The following AKAP13 variants were observed in gnomAD, a reference collection of about 807,000 sequenced individuals.
AKAP13 encodes A-kinase anchor protein 13.
Under a neutral mutation model 264.5 loss-of-function variants are expected in AKAP13, and 80 were observed. That is an observed-to-expected ratio of 0.30 (90% CI 0.25 to 0.36). The LOEUF is 0.36. Ranked by LOEUF, AKAP13 falls within the 10% of genes least tolerant of loss-of-function variation. The pLI is 1.00. For synonymous variants in AKAP13, 1,380 were observed against 1,250.2 expected (o/e 1.10, Z -2.19); for missense variants, 3,712 against 3,435.2 (o/e 1.08, Z -2.01).
chr15:85,639,418 A>C lies in AKAP13; in HGVS notation c.4206A>C (p.Ala1402=). 1 of 1,613,262 alleles carries C rather than the reference A, an allele frequency of 6.2e-7. No individual in the cohort carries two copies. The highest frequency in any genetic ancestry group is 1.1e-5 in the South Asian group (1 of 91,072). Residue 1402 remains alanine, a synonymous_variant, in exon 9 of 37, where the codon GCA becomes GCC. Transcript: ENST00000394518. ...GTACAATAGAGCCATGCCCTGATGC[A>C]GCATCTCTTCTGGCTTCCAAGCAGA... The part of the protein sequence containing the change: ...NWCTIEPCPD[A]ASLLASKQSP...
At chr15:85,582,158 A>C in intron 7 of AKAP13, 51 bp downstream of exon 7, 1 of 1,519,930 alleles carries the variant, frequency 6.6e-7, no homozygotes, top group South Asian at 1.3e-5. Context: ...GATTCCCTTA[A>C]GAGTCACTGT....
intron 1 of AKAP13, among the ~76,000 whole-genome samples, chr15:85,419,021 T>C (rs1596106564): frequency 6.6e-6 from 1 of 152,212 alleles, no homozygotes; most frequent in Non-Finnish European, 1.5e-5. Context: ...GATGCCACCC[T>C]TAAGGGTTTA....
In AKAP13 at chr15:85,423,799, T is replaced by G. The variant is rs944651422; in HGVS notation, c.-12+43001T>G. 3.3e-5 allele frequency among the ~76,000 whole-genome samples: 5 copies of G among 152,254 alleles called. No homozygotes were observed. The South Asian group carries it at 8.3e-4, about 25-fold the overall frequency. On this transcript the variant is annotated intron_variant, in intron 1 of 36. Coordinates refer to ENST00000394518, the MANE Select transcript of AKAP13 (RefSeq NM_007200.5). ...GGTCTAGGATTATGAAATTAGTTTC[T>G]TAAATCATAAGACTTGAAAGTCAAA...
rs1055650672 is a variant in AKAP13 at position 85,575,221 on chromosome 15, C to T, written c.753C>T (p.Asp251=). The change falls in exon 6 of 37, where the codon GAC becomes GAT. Residue 251 remains aspartate, a synonymous_variant. Transcript: ENST00000394518. ...CTGTGAGGCATCATCGAGAGTTGGA[C>T]ATCTATACATTAACCTCTGAGTCTG... ...DCSVRHHREL[D]IYTLTSESDS... The T allele has an allele frequency of 3.1e-6, 5 of 1,613,990 alleles. No homozygotes were observed. The African/African-American group carries it at 4.0e-5, about 13-fold the overall frequency.
intron 2 of AKAP13, among the ~76,000 whole-genome samples, chr15:85,488,029 C>T (rs11858817): frequency 0.51 from 77,626 of 152,120 alleles, 20,364 homozygotes; most frequent in Middle Eastern, 0.61. Flanking sequence ...TCCTGAGTAG[C>T]TGGAACCACA....
intron 5 of AKAP13, among the ~76,000 whole-genome samples, chr15:85,563,825 T>C (rs1456070477): frequency 6.6e-6 from 1 of 152,218 alleles, no homozygotes; most frequent in Non-Finnish European, 1.5e-5. Flanking sequence ...CACAACAACT[T>C]TCTTTGCTTT....
chr15:85,642,641 A>G (rs2082362104), intron 9 of AKAP13, among the ~76,000 whole-genome samples: 1 of 151,944 alleles, frequency 6.6e-6, no homozygotes, highest in Non-Finnish European at 1.5e-5. Context: ...TCCCTCCTCA[A>G]CAGTCAGCTT....
intron 17 of AKAP13, among the ~76,000 whole-genome samples, chr15:85,701,796 T>C (rs1015732776): frequency 2.3e-5 from 3 of 131,554 alleles, no homozygotes; most frequent in African/African-American, 8.8e-5. Context: ...ATAGTTTAAG[T>C]TGGGCTTGAC....
intron 3 of AKAP13, among the ~76,000 whole-genome samples, chr15:85,524,792 G>A (rs551646305): frequency 3.3e-5 from 5 of 151,354 alleles, no homozygotes; most frequent in Admixed American, 1.3e-4. Context: ...TTTTTTTTGC[G>A]TGTTTTGTAA....
At chr15:85,684,112 A>T (rs1042820858) in intron 15 of AKAP13, among the ~76,000 whole-genome samples, 1 of 152,186 alleles carries the variant, frequency 6.6e-6, no homozygotes, top group Non-Finnish European at 1.5e-5. Context: ...GTACCCTGTC[A>T]TTCTGCTACA....
chr15:85,612,449 A>G (rs2151392893), intron 8 of AKAP13, among the ~76,000 whole-genome samples: 1 of 152,302 alleles, frequency 6.6e-6, no homozygotes, highest in Non-Finnish European at 1.5e-5. Context: ...GCACTTGTAT[A>G]TATACCAACT....
At chr15:85,426,955 G>GTTTTTTTTTTTT (rs71468105) in intron 1 of AKAP13, among the ~76,000 whole-genome samples, 15 of 125,074 alleles carry the variant, frequency 1.2e-4, no homozygotes, top group Admixed American at 4.3e-4. Context: ...GTTTTGTTTT[G>GTTTTTTTTTTTT]TTTTTTTTTT....
chr15:85,444,167 A>G (rs531657809), intron 1 of AKAP13, among the ~76,000 whole-genome samples: 2 of 152,274 alleles, frequency 1.3e-5, no homozygotes, highest in Non-Finnish European at 2.9e-5. Flanking sequence ...TATTTTATTT[A>G]GTGATTTAGG....
chr15:85,457,781 C>T (rs566402416), intron 1 of AKAP13, among the ~76,000 whole-genome samples: 7 of 152,242 alleles, frequency 4.6e-5, no homozygotes, highest in East Asian at 3.9e-4. Context: ...CAGAGCTTCA[C>T]GAAGAGAGAT....
At chr15:85,675,799 C>T (rs915915232) in intron 14 of AKAP13, among the ~76,000 whole-genome samples, 4 of 152,146 alleles carry the variant, frequency 2.6e-5, no homozygotes, top group African/African-American at 4.8e-5. Flanking sequence ...GAATTTGGGC[C>T]TCTTGCCTGA....
At chr15:85,535,016 GA>G (rs1400316814) in intron 4 of AKAP13, 2 of 152,170 alleles carry the variant, frequency 1.3e-5, no homozygotes, top group African/African-American at 4.8e-5. Flanking sequence ...GCTCCTGCCA[GA>G]AGGGTCTGCT....
chr15:85,683,211 A>G (rs189412244), intron 15 of AKAP13, among the ~76,000 whole-genome samples: 8 of 152,242 alleles, frequency 5.3e-5, no homozygotes, highest in Middle Eastern at 3.4e-3. Context: ...AGTGGTTTTC[A>G]TACCATTTCC....
intron 1 of AKAP13, among the ~76,000 whole-genome samples, chr15:85,381,386 G>T (rs1179598357): frequency 1.3e-5 from 2 of 151,870 alleles, no homozygotes; most frequent in African/African-American, 4.8e-5. Context: ...CGCGCGGGTC[G>T]CAGGCGAGCG....
chr15:85,396,436 C>G (rs2071115593), intron 1 of AKAP13, among the ~76,000 whole-genome samples: 1 of 152,112 alleles, frequency 6.6e-6, no homozygotes, highest in Non-Finnish European at 1.5e-5. Flanking sequence ...GTAGAATTGA[C>G]TCATATACTC....
Sources: gnomAD v4.1 joint callset for allele counts (sites outside exome capture counted in the v4.1 genomes callset) on GRCh38, gnomAD v4.1.1 for gene constraint, MANE v1.5 for transcripts, NCBI Gene and HGNC (gene_info 2026-07-23, HGNC 2026-07-21) for gene names.